The following FHIT variants were observed in gnomAD, a reference collection of about 807,000 sequenced individuals.
FHIT encodes the protein bis(5'-adenosyl)-triphosphatase.
In FHIT, 19 loss-of-function variants were observed where a neutral mutation model predicts 17.9. That is an observed-to-expected ratio of 1.06 (90% CI 0.74 to 1.56). FHIT has a LOEUF of 1.56. Among genes scored for constraint, FHIT ranks in the 40% most tolerant of loss-of-function variants. The pLI, the probability that FHIT is intolerant of heterozygous loss-of-function variation, is 0.00. For missense variants in FHIT, 248 were observed against 189.2 expected (o/e 1.31, Z -1.82); for synonymous variants, 81 against 69.7 (o/e 1.16, Z -0.81).
chr3:61,042,355 G>A (rs1224253166), intron 2 of FHIT, among the ~76,000 whole-genome samples: 1 of 152,186 alleles, frequency 6.6e-6, no homozygotes, highest in Non-Finnish European at 1.5e-5. Context: ...GGAAGTTAAA[G>A]GACAACAGGA....
chr3:61,077,169 C>T (rs1042098401), intron 2 of FHIT, among the ~76,000 whole-genome samples: 10 of 152,068 alleles, frequency 6.6e-5, no homozygotes, highest in African/African-American at 2.4e-4. Flanking sequence ...TAAGGAAGTA[C>T]AAACTTAAGG....
intron 3 of FHIT, among the ~76,000 whole-genome samples, chr3:60,833,446 G>T (rs993158547): frequency 1.3e-5 from 2 of 152,216 alleles, no homozygotes; most frequent in African/African-American, 4.8e-5. Context: ...TAGAATCTCA[G>T]TTTAGATTTT....
chr3:59,775,933 T>C (rs181730159), intron 8 of FHIT, among the ~76,000 whole-genome samples: 30 of 152,358 alleles, frequency 2.0e-4, no homozygotes, highest in Non-Finnish European at 3.4e-4. Flanking sequence ...CAGATGGAGA[T>C]AATGAAGCCC....
In FHIT at chr3:59,814,045, T is replaced by TACACACACACACACACACACAC. The variant is rs144355020; in HGVS notation, c.349-61746_349-61725dup. On this transcript the variant is annotated intron_variant, in intron 8 of 9. Coordinates refer to ENST00000492590, the MANE Select transcript of FHIT (RefSeq NM_002012.4). ...CCCTCTATGTAAAAAAATTTACACA[T>TACACACACACACACACACACAC]ACACACACACACACACACACACACA... Among the ~76,000 whole-genome samples, 187 of 146,858 alleles carry TACACACACACACACACACACAC rather than the reference T, an allele frequency of 1.3e-3. 1 individual carries two copies. The highest frequency in any genetic ancestry group is 4.0e-3 in the African/African-American group (159 of 39,500).
At chr3:60,976,510 T>TA (rs1287377407) in intron 3 of FHIT, among the ~76,000 whole-genome samples, 2 of 152,102 alleles carry the variant, frequency 1.3e-5, no homozygotes, top group Non-Finnish European at 1.5e-5. Context: ...CATGTCTCTA[T>TA]AAAAAGGAAT....
chr3:59,832,615 C>T lies in FHIT; in HGVS notation c.349-80294G>A, dbSNP rs115144454. On this transcript the variant is annotated intron_variant, in intron 8 of 9. Coordinates refer to ENST00000492590, the MANE Select transcript of FHIT (RefSeq NM_002012.4). ...AGGGCTTCTCTGCTTCAGCCTAGGT[C>T]TTGGAATAAGAGATGCACAGAATAG... Among the ~76,000 whole-genome samples, 551 of 152,268 alleles carry T rather than the reference C, an allele frequency of 3.6e-3. 4 individuals are homozygous for T. The highest frequency in any genetic ancestry group is 0.013 in the African/African-American group (534 of 41,550).
intron 4 of FHIT, among the ~76,000 whole-genome samples, chr3:60,540,685 A>G (rs2036158131): frequency 6.6e-6 from 1 of 152,192 alleles, no homozygotes; most frequent in Non-Finnish European, 1.5e-5. Context: ...TATATAGCAC[A>G]TGAATAATGC....
chr3:60,981,040 G>T (rs954314921), intron 3 of FHIT, among the ~76,000 whole-genome samples: 1 of 152,156 alleles, frequency 6.6e-6, no homozygotes. Context: ...TGTCTCTAGT[G>T]TCCTCCTGGA....
At chr3:60,565,780 A>T (rs1221892305) in intron 4 of FHIT, among the ~76,000 whole-genome samples, 3 of 152,118 alleles carry the variant, frequency 2.0e-5, no homozygotes, top group Admixed American at 6.6e-5. Context: ...CTCTGATCTT[A>T]GTTATTTCTT....
intron 5 of FHIT, among the ~76,000 whole-genome samples, chr3:60,067,522 C>T (rs536708087): frequency 1.1e-4 from 17 of 152,148 alleles, no homozygotes; most frequent in South Asian, 6.3e-4. Flanking sequence ...ACATGATGTA[C>T]AATGCAAAGG....
intron 4 of FHIT, 132 bp from the exon 5 acceptor site, chr3:60,537,111 T>C (rs910305999): frequency 7.0e-6 from 5 of 716,580 alleles, no homozygotes; most frequent in Admixed American, 3.4e-5. Flanking sequence ...TTGTTCCTCA[T>C]TGAATGTTCA....
chr3:59,762,063 C>T (rs1178502865), intron 8 of FHIT, among the ~76,000 whole-genome samples: 1 of 152,090 alleles, frequency 6.6e-6, no homozygotes, highest in East Asian at 1.9e-4. Flanking sequence ...TGGGCATAAG[C>T]ACTGTGATTT....
At chr3:60,420,506 A>C (rs545049546) in intron 5 of FHIT, among the ~76,000 whole-genome samples, 1 of 152,162 alleles carries the variant, frequency 6.6e-6, no homozygotes, top group East Asian at 1.9e-4. Flanking sequence ...ACTGCTAAGC[A>C]ATATATATAG....
At chr3:60,613,368 G>A (rs2038844783) in intron 4 of FHIT, among the ~76,000 whole-genome samples, 1 of 152,194 alleles carries the variant, frequency 6.6e-6, no homozygotes, top group Admixed American at 6.5e-5. Flanking sequence ...AAAGGTAAGT[G>A]TGGCAGTGCA....
chr3:60,488,954 C>T (rs2033953827), intron 5 of FHIT, among the ~76,000 whole-genome samples: 2 of 152,160 alleles, frequency 1.3e-5, no homozygotes, highest in Admixed American at 1.3e-4. Context: ...AATCCCTTTT[C>T]AGTTTTAATT....
intron 5 of FHIT, among the ~76,000 whole-genome samples, chr3:60,449,506 C>T (rs899888460): frequency 6.6e-6 from 1 of 151,910 alleles, no homozygotes; most frequent in African/African-American, 2.4e-5. Flanking sequence ...CATTGTTAGG[C>T]TATTTTATTG....
At chr3:59,782,344 A>C (rs911749385) in intron 8 of FHIT, among the ~76,000 whole-genome samples, 8 of 152,058 alleles carry the variant, frequency 5.3e-5, no homozygotes, top group African/African-American at 1.7e-4. Context: ...ATAAAGATAG[A>C]GTTATTTTTG....
At chr3:60,629,603 G>C (rs1355383276) in intron 4 of FHIT, among the ~76,000 whole-genome samples, 3 of 152,180 alleles carry the variant, frequency 2.0e-5, no homozygotes, top group Admixed American at 6.5e-5. Context: ...CAGAATTAAA[G>C]TCAACTCAAG....
intron 5 of FHIT, among the ~76,000 whole-genome samples, chr3:60,457,566 C>T (rs1348831424): frequency 1.3e-5 from 2 of 152,006 alleles, no homozygotes; most frequent in South Asian, 4.2e-4. Flanking sequence ...GCAACAAAAG[C>T]CAAAATTGAC....
Sources: allele counts gnomAD v4.1 joint callset (sites outside exome capture counted in the v4.1 genomes callset), GRCh38; gene constraint gnomAD v4.1.1; transcripts MANE v1.5; gene names NCBI Gene and HGNC (gene_info 2026-07-23, HGNC 2026-07-21).